C8orf34: variants seen among roughly 807,000 people sequenced by gnomAD.
C8orf34 encodes the protein uncharacterized protein C8orf34.
C8orf34 carries 65 observed loss-of-function variants against 68.3 expected under a neutral mutation model. The ratio of observed to expected loss-of-function variants is 0.95; its 90% CI spans 0.78 to 1.17. C8orf34 has a LOEUF of 1.17. Ranked by LOEUF, C8orf34 falls within the 50% of genes most tolerant of loss-of-function variation. The pLI, the probability that C8orf34 is intolerant of heterozygous loss-of-function variation, is 0.00. For missense variants in C8orf34, 664 were observed against 655.4 expected (o/e 1.01, Z -0.14); for synonymous variants, 244 against 241.2 (o/e 1.01, Z -0.11).
intron 7 of C8orf34, among the ~76,000 whole-genome samples, chr8:68,565,400 G>T (rs1816556434): frequency 6.6e-6 from 1 of 152,152 alleles, no homozygotes; most frequent in Non-Finnish European, 1.5e-5. Context: ...TTAGGGTAAA[G>T]CTAAAATGAG....
At chr8:68,534,003 T>C in intron 7 of C8orf34, 1 of 939,470 alleles carries the variant, frequency 1.1e-6, no homozygotes, top group Non-Finnish European at 1.3e-6. Flanking sequence ...TAAACACGTT[T>C]TACATATAGA....
At chr8:68,436,125 T>G (rs770714535) in intron 1 of C8orf34, among the ~76,000 whole-genome samples, 14 of 152,098 alleles carry the variant, frequency 9.2e-5, no homozygotes, top group Non-Finnish European at 1.8e-4. Context: ...GAAGAATTGC[T>G]TGAACCCAGG....
chr8:68,397,099 C>T (rs969727050), intron 1 of C8orf34, among the ~76,000 whole-genome samples: 1 of 151,932 alleles, frequency 6.6e-6, no homozygotes, highest in Non-Finnish European at 1.5e-5. Flanking sequence ...CTCCATCTCC[C>T]AAGTTCAAGC....
chr8:68,801,873 G>T, intron 12 of C8orf34, among the ~76,000 whole-genome samples: 1 of 148,596 alleles, frequency 6.7e-6, no homozygotes, highest in African/African-American at 2.5e-5. Flanking sequence ...TGTGATTACT[G>T]TGTTGTTTTT....
intron 12 of C8orf34, among the ~76,000 whole-genome samples, chr8:68,810,081 A>G (rs1232698607): frequency 1.3e-5 from 2 of 151,170 alleles, no homozygotes; most frequent in African/African-American, 4.9e-5. Flanking sequence ...CTCTGTGGCC[A>G]GTGGCATCTT....
At chr8:68,368,628 G>C (rs1184895151) in intron 1 of C8orf34, among the ~76,000 whole-genome samples, 1 of 151,996 alleles carries the variant, frequency 6.6e-6, no homozygotes, top group Non-Finnish European at 1.5e-5. Flanking sequence ...AGTTAGGAAA[G>C]TTTTCTTCTC....
chr8:68,748,018 G>A (rs1315105753), intron 10 of C8orf34, among the ~76,000 whole-genome samples: 1 of 150,976 alleles, frequency 6.6e-6, no homozygotes, highest in Non-Finnish European at 1.5e-5. Context: ...AAACAGCATG[G>A]TACTGGTACC....
At chr8:68,554,098 A>AG (rs892793610) in intron 7 of C8orf34, among the ~76,000 whole-genome samples, 1 of 152,166 alleles carries the variant, frequency 6.6e-6, no homozygotes, top group African/African-American at 2.4e-5. Flanking sequence ...AAATATCTAC[A>AG]GGTTTATCAT....
intron 5 of C8orf34, among the ~76,000 whole-genome samples, chr8:68,499,902 C>T (rs563791031): frequency 9.2e-5 from 14 of 152,188 alleles, no homozygotes; most frequent in Non-Finnish European, 1.5e-5. Context: ...GGATTGGGGG[C>T]GGATCCCTCA....
At chr8:68,781,846 T>C (rs1055510973) in intron 11 of C8orf34, among the ~76,000 whole-genome samples, 1 of 152,208 alleles carries the variant, frequency 6.6e-6, no homozygotes, top group South Asian at 2.1e-4. Context: ...AAGCTAATGT[T>C]CCATTTGTAC....
intron 3 of C8orf34, among the ~76,000 whole-genome samples, chr8:68,453,321 C>G (rs1811421310): frequency 6.6e-6 from 1 of 151,940 alleles, no homozygotes; most frequent in Non-Finnish European, 1.5e-5. Context: ...TGCATAAAGG[C>G]CATTTGGATT....
At chr8:68,407,555 G>A (rs939846149) in intron 1 of C8orf34, among the ~76,000 whole-genome samples, 1 of 152,054 alleles carries the variant, frequency 6.6e-6, no homozygotes, top group African/African-American at 2.4e-5. Context: ...TCTTCAGGAT[G>A]TTTACTCATG....
At chr8:68,683,610 T>C (rs1820430021) in intron 8 of C8orf34, among the ~76,000 whole-genome samples, 1 of 152,038 alleles carries the variant, frequency 6.6e-6, no homozygotes, top group African/African-American at 2.4e-5. Context: ...AAATTTGATG[T>C]CTGGAAAAAG....
At chr8:68,791,038 G>A in intron 12 of C8orf34, 1 of 584,072 alleles carries the variant, frequency 1.7e-6, no homozygotes, top group Non-Finnish European at 3.0e-6. Flanking sequence ...ATGTGAGTCT[G>A]GAGAAAAAGG....
intron 8 of C8orf34, among the ~76,000 whole-genome samples, chr8:68,656,937 A>C (rs1394242802): frequency 6.6e-6 from 1 of 152,230 alleles, no homozygotes; most frequent in Admixed American, 6.5e-5. Flanking sequence ...AGATTTTGGT[A>C]ATAGGAGTAA....
chr8:68,423,233 T>C (rs1810061617), intron 1 of C8orf34, among the ~76,000 whole-genome samples: 1 of 152,174 alleles, frequency 6.6e-6, no homozygotes, highest in Non-Finnish European at 1.5e-5. Context: ...TTCTAAGCTT[T>C]TTATGTTCTG....
chr8:68,605,988 TC>T (rs1817842792), intron 7 of C8orf34, among the ~76,000 whole-genome samples: 1 of 152,000 alleles, frequency 6.6e-6, no homozygotes, highest in Non-Finnish European at 1.5e-5. Context: ...ACAGGGAATC[TC>T]TGTACTTTCT....
chr8:68,483,275 G>T (rs1355080800), intron 4 of C8orf34, among the ~76,000 whole-genome samples: 2 of 152,160 alleles, frequency 1.3e-5, no homozygotes, highest in South Asian at 2.1e-4. Flanking sequence ...AATGTGTTTT[G>T]TGCTGTGCTG....
In C8orf34 at chr8:68,682,581, A is replaced by T. The variant is rs139252259; in HGVS notation, c.1242-26413A>T. ...ACAATTACTAAAGTAATCAGCTTAAAATAATACTATGTCAAAGAGGCACAT... is the reference window on the plus strand; with the variant it reads ...ACAATTACTAAAGTAATCAGCTTAATATAATACTATGTCAAAGAGGCACAT... On this transcript the variant is annotated intron_variant, in intron 8 of 13. Transcript: ENST00000518698. Among the ~76,000 whole-genome samples, 439 of 152,230 alleles carry T rather than the reference A, an allele frequency of 2.9e-3. 2 individuals are homozygous for T. Among genetic ancestry groups the T allele is most frequent in the Non-Finnish European group, 5.2e-3 (352 of 68,008 alleles).
Sources: allele counts gnomAD v4.1 joint callset (sites outside exome capture counted in the v4.1 genomes callset), GRCh38; gene constraint gnomAD v4.1.1; transcripts MANE v1.5; gene names NCBI Gene and HGNC (gene_info 2026-07-23, HGNC 2026-07-21).